The following LIFR variants were observed in gnomAD, a reference collection of about 807,000 sequenced individuals.
The protein encoded by LIFR is LIF receptor subunit alpha, also known as leukemia inhibitory factor receptor.
LIFR carries 84 observed loss-of-function variants against 122.2 expected under a neutral mutation model. That is an observed-to-expected ratio of 0.69 (90% CI 0.58 to 0.82). LIFR has a LOEUF of 0.82. Ranked by LOEUF, LIFR falls within the 40% of genes least tolerant of loss-of-function variation. LIFR has a pLI of 0.00. For missense variants in LIFR, 1,294 were observed against 1,311.6 expected, an observed-to-expected ratio of 0.99 and a Z score of 0.21; for synonymous variants, 422 against 434.7, an observed-to-expected ratio of 0.97 and a Z score of 0.36.
chr5:38,555,722 G>A (rs1017181831), intron 1 of LIFR, among the ~76,000 whole-genome samples: 1 of 151,322 alleles, frequency 6.6e-6, no homozygotes. Context: ...TGGGGGGTGG[G>A]GGGCAAAAAT....
chr5:38,607,917 T>C (rs1329162268), intron 1 of LIFR: 4 of 152,230 alleles, frequency 2.6e-5, no homozygotes, highest in Non-Finnish European at 4.4e-5. Context: ...ATTTTTCAAC[T>C]ATGCGTGAAA....
At chr5:38,517,926 G>A (rs1265702704) in intron 5 of LIFR, among the ~76,000 whole-genome samples, 3 of 126,454 alleles carry the variant, frequency 2.4e-5, no homozygotes, top group East Asian at 4.6e-4. Flanking sequence ...GCAAAAAAGT[G>A]AGACCCCATC....
chr5:38,505,052 C>T (rs1307839976), intron 9 of LIFR, among the ~76,000 whole-genome samples: 2 of 151,934 alleles, frequency 1.3e-5, no homozygotes, highest in South Asian at 2.1e-4. Flanking sequence ...AGACCAAGCA[C>T]ATTTTATTTT....
At position 38,489,091 on chromosome 5, in the gene LIFR, C is replaced by T; in HGVS notation, c.2322G>A (p.Arg774=). ...CAATTTACTCACCTGATTCTAAAAC[C>T]CTCATCTTAGATGTGTCTCTTTCTC... ...GKGERDTSKM[R]VLESGRSDIK... The change falls in exon 16 of 20, where the codon AGG becomes AGA. Residue 774 remains arginine (R), a synonymous_variant. Transcript: ENST00000453190. 6.2e-7 allele frequency: 1 copy of T among 1,612,736 alleles called. No individual in the cohort carries two copies.
intron 1 of LIFR, among the ~76,000 whole-genome samples, chr5:38,575,463 A>C (rs999214085): frequency 2.6e-5 from 4 of 152,214 alleles, no homozygotes; most frequent in African/African-American, 9.6e-5. Context: ...TACGGAGACA[A>C]GTTTGCAATC....
chr5:38,566,799 A>G (rs1749039412), intron 1 of LIFR, among the ~76,000 whole-genome samples: 1 of 152,178 alleles, frequency 6.6e-6, no homozygotes, highest in African/African-American at 2.4e-5. Flanking sequence ...TCTGTCCCCC[A>G]TTCCTGGCTT....
rs1743833653 is a variant in LIFR at position 38,478,609 on chromosome 5, A to G, written c.*2986T>C. On this transcript the variant is annotated 3_prime_UTR_variant, in exon 20 of 20. Transcript: ENST00000453190. ...AGTCTTTAATAATTTAATATTAAAT[A>G]AAATATTAATTATTTAAAATGGTCA... 5.4e-6 allele frequency: 1 copy of G among 184,256 alleles called. No homozygotes were observed. Among genetic ancestry groups the G allele is most frequent in the Non-Finnish European group, 1.1e-5 (1 of 87,292 alleles). The allele number at this position is 184,256 out of a possible 1,614,324, so 11.4% of individuals were successfully genotyped here. A position where few individuals can be genotyped will look rare whatever the true frequency, so the allele number is the denominator to read the frequency against.
At chr5:38,552,191 T>G (rs868563699) in intron 1 of LIFR, among the ~76,000 whole-genome samples, 21 of 152,194 alleles carry the variant, frequency 1.4e-4, no homozygotes, top group African/African-American at 5.1e-4. Context: ...ATTAATTGAT[T>G]AAGATAGGAA....
chr5:38,567,775 C>T (rs1171663400), intron 1 of LIFR, among the ~76,000 whole-genome samples: 2 of 152,136 alleles, frequency 1.3e-5, no homozygotes, highest in African/African-American at 2.4e-5. Flanking sequence ...GTGATCTGCC[C>T]ACCTCAACCT....
At chr5:38,596,041 T>C (rs1359786699), upstream of LIFR, among the ~76,000 whole-genome samples, 2 of 152,104 alleles carry the variant, frequency 1.3e-5, no homozygotes, top group Non-Finnish European at 2.9e-5. Flanking sequence ...CGGCCCACAA[T>C]AGGTAATCTT....
rs77956679 is a variant in LIFR, at chr5:38,587,060, G to A, written c.-20+8201C>T. Among the ~76,000 whole-genome samples the A allele has an allele frequency of 9.1e-3, 1,378 of 152,108 alleles. 116 individuals carry two copies. The East Asian group carries it at 0.2, about 22-fold the overall frequency. The stretch of plus-strand genomic sequence containing the variant: ...TAAGGTAGACTGATGTTGGTCTCTC[G>A]ATATTAAATCCTTCACTCATCCATT... On this transcript the variant is annotated intron_variant, in intron 1 of 19. Coordinates refer to the LIFR transcript ENST00000263409.
At chr5:38,540,984 A>G (rs1747560297) in intron 1 of LIFR, among the ~76,000 whole-genome samples, 1 of 152,170 alleles carries the variant, frequency 6.6e-6, no homozygotes, top group Admixed American at 6.5e-5. Flanking sequence ...CTTTCTTAAC[A>G]TTCTTTAGGG....
At chr5:38,604,263 C>T (rs1323271718) in intron 2 of LIFR, among the ~76,000 whole-genome samples, 2 of 152,076 alleles carry the variant, frequency 1.3e-5, no homozygotes, top group African/African-American at 2.4e-5. Flanking sequence ...TACTGAACTC[C>T]CAGACCTGTG....
Position 38,523,601 on chromosome 5 carries a change from A to G in LIFR, c.398-19T>C. 6.3e-7 allele frequency: 1 copy of G among 1,598,204 alleles called. No homozygotes were observed. The highest frequency in any genetic ancestry group is 8.6e-7 in the Non-Finnish European group (1 of 1,165,992). ...ATTAAGGCTTTAAAAAGAGGAAACA[A>G]AAGAGAAAACTTAGTAAAATAAGTA... is the stretch of plus-strand genomic sequence containing the variant. On this transcript the variant is annotated intron_variant, in intron 4 of 19. Transcript: ENST00000453190.
At chr5:38,571,626 C>T (rs1749217011) in intron 1 of LIFR, among the ~76,000 whole-genome samples, 1 of 150,652 alleles carries the variant, frequency 6.6e-6, no homozygotes, top group Non-Finnish European at 1.5e-5. Flanking sequence ...AAAAAGATGA[C>T]ATGACATTAC....
At chr5:38,524,607 G>A (rs533615533) in intron 4 of LIFR, among the ~76,000 whole-genome samples, 24 of 152,310 alleles carry the variant, frequency 1.6e-4, no homozygotes, top group African/African-American at 5.8e-4. Flanking sequence ...AGCAAGAGGA[G>A]CAAAAGGAAT....
chr5:38,580,466 A>G (rs1749545500), intron 1 of LIFR, among the ~76,000 whole-genome samples: 1 of 151,960 alleles, frequency 6.6e-6, no homozygotes. Context: ...TACTCCTTAA[A>G]TCATGGGGTT....
chr5:38,486,310 G>T (rs3110235), intron 16 of LIFR, among the ~76,000 whole-genome samples: 26,743 of 152,154 alleles, frequency 0.18, 2,568 homozygotes, highest in Non-Finnish European at 0.21. Context: ...TCCCATTTCT[G>T]CTACTAAAAG....
rs1561155643 is a variant in LIFR, at chr5:38,506,633, CTA to C, written c.992-3_992-2del. On this transcript the variant is annotated splice_acceptor_variant and splice_polypyrimidine_tract_variant and intron_variant, in intron 7 of 19. Coordinates refer to ENST00000453190, the MANE Select transcript of LIFR (RefSeq NM_001127671.2). LOFTEE classifies it high-confidence loss of function. Reference sequence around the variant, plus strand: ...AGTTGTTGAGGAGTATCTGGTGGATCTAACAGAAAAAAAATGCAGGTACTTAT... The same window carrying C: ...AGTTGTTGAGGAGTATCTGGTGGATCACAGAAAAAAAATGCAGGTACTTAT... 6.2e-7 allele frequency: 1 copy of C among 1,610,984 alleles called. No homozygotes were observed. Among genetic ancestry groups the C allele is most frequent in the Non-Finnish European group, 8.5e-7 (1 of 1,177,796 alleles).
Sources: allele counts gnomAD v4.1 joint callset (sites outside exome capture counted in the v4.1 genomes callset), GRCh38; gene constraint gnomAD v4.1.1; transcripts MANE v1.5; gene names NCBI Gene and HGNC (gene_info 2026-07-23, HGNC 2026-07-21).